Variants in TMTC2 observed in about 807,000 individuals in gnomAD.
TMTC2 encodes the protein transmembrane O-mannosyltransferase targeting cadherins 2.
TMTC2 carries 43 observed loss-of-function variants against 82.4 expected under a neutral mutation model. The observed-to-expected ratio is 0.52, with a 90% CI of 0.41 to 0.67. TMTC2 has a LOEUF of 0.67. Among genes scored for constraint, TMTC2 ranks in the 30% least tolerant of loss-of-function variants. The probability of loss-of-function intolerance (pLI) is 0.00; values close to 1 mark genes in which losing one functional copy is unlikely to be tolerated. For missense variants in TMTC2, 919 were observed against 1,012.4 expected, an observed-to-expected ratio of 0.91 and a Z score of 1.25; for synonymous variants, 408 against 381.9, an observed-to-expected ratio of 1.07 and a Z score of -0.80.
At chr12:82,999,585 A>T (rs987343313) in intron 8 of TMTC2, among the ~76,000 whole-genome samples, 16 of 152,230 alleles carry the variant, frequency 1.1e-4, no homozygotes, top group African/African-American at 3.6e-4. Context: ...GAAGGCAAAA[A>T]GGAGCAAGTC....
intron 11 of TMTC2, among the ~76,000 whole-genome samples, chr12:83,083,875 C>T (rs1284493013): frequency 6.6e-6 from 1 of 152,202 alleles, no homozygotes. Flanking sequence ...GCCAAGAGCA[C>T]ATTGAGAGGC....
intron 4 of TMTC2, among the ~76,000 whole-genome samples, chr12:82,961,897 A>G (rs187062555): frequency 1.1e-4 from 16 of 152,156 alleles, no homozygotes; most frequent in Admixed American, 1.0e-3. Flanking sequence ...GCTCAATTAA[A>G]TCCTTACTTA....
intron 11 of TMTC2, among the ~76,000 whole-genome samples, chr12:83,071,321 A>AT (rs940270372): frequency 6.6e-6 from 1 of 151,568 alleles, no homozygotes; most frequent in Non-Finnish European, 1.5e-5. Context: ...TGCCCGGCTA[A>AT]TTTTTTTTGT....
intron 8 of TMTC2, among the ~76,000 whole-genome samples, chr12:82,990,496 C>G (rs1879353892): frequency 6.6e-6 from 1 of 152,126 alleles, no homozygotes; most frequent in Non-Finnish European, 1.5e-5. Flanking sequence ...CTTTTCCTCT[C>G]TTTGCCTGTT....
intron 4 of TMTC2, among the ~76,000 whole-genome samples, chr12:82,947,542 C>T (rs956162870): frequency 7.2e-6 from 1 of 138,338 alleles, no homozygotes. Context: ...CGGGGTTTCA[C>T]CGTGGTCTCG....
chr12:82,888,636 T>C (rs2137167499), intron 2 of TMTC2, among the ~76,000 whole-genome samples: 1 of 152,294 alleles, frequency 6.6e-6, no homozygotes, highest in South Asian at 2.1e-4. Context: ...GGAGTTAGCA[T>C]AATGGTATAA....
intron 11 of TMTC2, among the ~76,000 whole-genome samples, chr12:83,070,323 G>A (rs1290878734): frequency 6.6e-6 from 1 of 152,132 alleles, no homozygotes; most frequent in Non-Finnish European, 1.5e-5. Context: ...CATGAGCATG[G>A]AATGTGTTTC....
intron 1 of TMTC2, among the ~76,000 whole-genome samples, chr12:82,849,736 A>G (rs967471849): frequency 3.3e-5 from 5 of 152,126 alleles, no homozygotes; most frequent in Non-Finnish European, 5.9e-5. Flanking sequence ...ATAGCAACTC[A>G]AGCTACTTTA....
At chr12:82,939,613 A>T (rs1374238511) in intron 4 of TMTC2, among the ~76,000 whole-genome samples, 2 of 152,150 alleles carry the variant, frequency 1.3e-5, no homozygotes, top group Admixed American at 1.3e-4. Flanking sequence ...TCTAGAATAA[A>T]TTTACCTAAA....
intron 7 of TMTC2, among the ~76,000 whole-genome samples, chr12:82,974,680 C>A (rs540373749): frequency 6.6e-6 from 1 of 152,230 alleles, no homozygotes; most frequent in South Asian, 2.1e-4. Flanking sequence ...GAAAGTTTTA[C>A]CTGACAGAGG....
At position 82,689,610 on chromosome 12, in the gene TMTC2, A is replaced by G. The variant is rs567831703; in HGVS notation, c.83+1941A>G. ...GTTAAATTTGGATATGCATTTTTCT[A>G]TAGGTATAATTGTTCTGTGCTCTTG... On this transcript the variant is annotated intron_variant, in intron 1 of 11. Transcript: ENST00000321196. Among the ~76,000 whole-genome samples the G allele has an allele frequency of 8.8e-4, 134 of 152,330 alleles. 1 individual carries two copies. The highest frequency in any genetic ancestry group is 3.1e-3 in the African/African-American group (130 of 41,572).
chr12:82,891,762 C>G lies in TMTC2; in HGVS notation c.655-4056C>G, dbSNP rs373671881. ...TATACAGGTTTGTTACATAGGTGAA[C>G]GTGTGTTTTGGCCGATACTTTAAAA... On this transcript the variant is annotated intron_variant, in intron 2 of 11. Coordinates refer to ENST00000321196, the MANE Select transcript of TMTC2 (RefSeq NM_152588.3). 5.1e-4 allele frequency among the ~76,000 whole-genome samples: 77 copies of G among 152,126 alleles called. 3 individuals carry two copies. The South Asian group carries it at 0.015, about 30-fold the overall frequency.
In TMTC2 at chr12:82,717,045, G is replaced by A. The variant is rs566664540; in HGVS notation, c.83+29376G>A. ...AATCTTAAGGGTGGAAGCTGATAGG[G>A]TGATTTAGGGATGTTTGTACCAATG... On this transcript the variant is annotated intron_variant, in intron 1 of 11. Transcript: ENST00000321196. Among the ~76,000 whole-genome samples, 29 of 152,246 alleles carry A rather than the reference G, an allele frequency of 1.9e-4. No homozygotes were observed. In the South Asian group the frequency reaches 5.8e-3, roughly 31 times the overall value.
chr12:82,772,026 C>G (rs960999447), intron 1 of TMTC2, among the ~76,000 whole-genome samples: 3 of 152,138 alleles, frequency 2.0e-5, no homozygotes, highest in African/African-American at 4.8e-5. Flanking sequence ...CTGCTGCTGT[C>G]AATTGGATAT....
chr12:82,740,587 G>A (rs144674723), intron 1 of TMTC2, among the ~76,000 whole-genome samples: 6 of 152,122 alleles, frequency 3.9e-5, no homozygotes, highest in Admixed American at 6.6e-5. Context: ...GGTGTGTCTC[G>A]AATTCATTAG....
intron 1 of TMTC2, among the ~76,000 whole-genome samples, chr12:82,839,389 G>T (rs1870214919): frequency 6.6e-6 from 1 of 152,102 alleles, no homozygotes; most frequent in South Asian, 2.1e-4. Flanking sequence ...CAGGTGATCA[G>T]ATTTCTGATC....
intron 4 of TMTC2, among the ~76,000 whole-genome samples, chr12:82,951,330 C>T (rs150065013): frequency 2.6e-4 from 39 of 151,568 alleles, no homozygotes; most frequent in South Asian, 8.4e-4. Context: ...CTCGCTCTGT[C>T]GCTAGGCTGG....
chr12:82,784,861 G>C (rs1055042788), intron 1 of TMTC2, among the ~76,000 whole-genome samples: 1 of 151,700 alleles, frequency 6.6e-6, no homozygotes, highest in African/African-American at 2.4e-5. Context: ...GAGTTTCACT[G>C]ATTTCCTTGC....
intron 1 of TMTC2, among the ~76,000 whole-genome samples, chr12:82,740,763 G>A (rs565357573): frequency 3.3e-5 from 5 of 152,234 alleles, no homozygotes; most frequent in African/African-American, 1.2e-4. Context: ...GCTCCATACC[G>A]GCTCTTCTTT....
Sources: gnomAD v4.1 joint callset for allele counts (sites outside exome capture counted in the v4.1 genomes callset) on GRCh38, gnomAD v4.1.1 for gene constraint, MANE v1.5 for transcripts, NCBI Gene and HGNC (gene_info 2026-07-23, HGNC 2026-07-21) for gene names.